The following EPB41L5 variants were observed in gnomAD, a reference collection of about 807,000 sequenced individuals.
EPB41L5 encodes erythrocyte membrane protein band 4.1 like 5, also known as band 4.1-like protein 5.
EPB41L5 carries 55 observed loss-of-function variants against 106.6 expected under a neutral mutation model. The ratio of observed to expected loss-of-function variants is 0.52; its 90% CI spans 0.42 to 0.65. The LOEUF (loss-of-function observed/expected upper bound fraction) is 0.65, where lower values mean the gene tolerates loss of function less well. Among genes scored for constraint, EPB41L5 ranks in the 30% least tolerant of loss-of-function variants. EPB41L5 has a pLI of 0.00. For synonymous variants in EPB41L5, 297 were observed against 306.7 expected, an observed-to-expected ratio of 0.97 and a Z score of 0.33; for missense variants, 871 against 882.1, an observed-to-expected ratio of 0.99 and a Z score of 0.16.
chr2:120,094,256 G>A (rs546478599), intron 14 of EPB41L5, among the ~76,000 whole-genome samples: 100 of 152,188 alleles, frequency 6.6e-4, no homozygotes, highest in South Asian at 2.9e-3. Flanking sequence ...CGTCTTGCTG[G>A]GATTACAGGC....
At chr2:120,035,339 T>C (rs1678979765) in intron 2 of EPB41L5, among the ~76,000 whole-genome samples, 1 of 152,240 alleles carries the variant, frequency 6.6e-6, no homozygotes, top group South Asian at 2.1e-4. Context: ...TCTTAAGTGA[T>C]CCTCCTGCCT....
chr2:120,090,668 A>C (rs112449971), intron 12 of EPB41L5, 152 bp downstream of exon 12: 2 of 624,530 alleles, frequency 3.2e-6, no homozygotes, highest in African/African-American at 1.9e-5. Context: ...AAATAGAAAA[A>C]GTGGTATTGT....
intron 24 of EPB41L5, among the ~76,000 whole-genome samples, chr2:120,169,918 G>A (rs1687596965): frequency 6.6e-6 from 1 of 152,174 alleles, no homozygotes; most frequent in Non-Finnish European, 1.5e-5. Context: ...AAGTTTTGGT[G>A]AAGATATGGG....
chr2:120,031,989 T>A (rs1574489659), intron 2 of EPB41L5, among the ~76,000 whole-genome samples: 1 of 152,128 alleles, frequency 6.6e-6, no homozygotes. Context: ...AAATTTTTTT[T>A]AAAGTTCATT....
chr2:120,141,959 T>C (rs1686190638), intron 18 of EPB41L5, among the ~76,000 whole-genome samples: 1 of 152,162 alleles, frequency 6.6e-6, no homozygotes, highest in South Asian at 2.1e-4. Context: ...TTTCTCAGGC[T>C]AAGACTAAAA....
At position 120,150,259 on chromosome 2, in the gene EPB41L5, T is replaced by G. The variant is rs185592513; in HGVS notation, c.1793+3970T>G. On this transcript the variant is annotated intron_variant, in intron 20 of 24. Coordinates refer to ENST00000263713, the MANE Select transcript of EPB41L5 (RefSeq NM_020909.4). ...GAATGTTGGGGATTTTTTCATGTGT[T>G]TGTTGGCCATTCGTGTAACTTCTTT... is the stretch of plus-strand genomic sequence containing the variant. 2.0e-5 allele frequency among the ~76,000 whole-genome samples: 3 copies of G among 152,308 alleles called. No homozygotes were observed. In the East Asian group the frequency reaches 5.8e-4, roughly 29 times the overall value.
intron 2 of EPB41L5, among the ~76,000 whole-genome samples, chr2:120,041,303 T>A (rs1679388669): frequency 6.6e-6 from 1 of 152,162 alleles, no homozygotes; most frequent in Admixed American, 6.5e-5. Context: ...GTTGTTTTGT[T>A]TCAGGTATAT....
In EPB41L5 at chr2:120,178,532, T is replaced by C. The variant is rs981589595; in HGVS notation, c.*3625T>C. 4.6e-5 allele frequency: 7 copies of C among 152,264 alleles called. No individual in the cohort carries two copies. The highest frequency in any genetic ancestry group is 9.6e-5 in the African/African-American group (4 of 41,460). The allele number at this position is 152,264 out of a possible 1,614,324, so 9.4% of individuals were successfully genotyped here. A position where few individuals can be genotyped will look rare whatever the true frequency, so the allele number is the denominator to read the frequency against. On this transcript the variant is annotated 3_prime_UTR_variant, in exon 25 of 25. Coordinates refer to ENST00000263713, the MANE Select transcript of EPB41L5 (RefSeq NM_020909.4). ...GTGGTTGCTTGGAGACCTGGGGTCT[T>C]CTGCAGACTGAAGAAGACACATTTC...
intron 16 of EPB41L5, chr2:120,104,288 G>T: frequency 6.6e-7 from 1 of 1,509,684 alleles, no homozygotes; most frequent in Non-Finnish European, 8.8e-7. Flanking sequence ...CAAGTTGATG[G>T]TATACATTAT....
intron 18 of EPB41L5, among the ~76,000 whole-genome samples, chr2:120,142,118 A>ATTT (rs777207107): frequency 0.21 from 7,469 of 36,302 alleles, 227 homozygotes; most frequent in Middle Eastern, 0.31. Flanking sequence ...TTTTTTAAAA[A>ATTT]AAAAAAAAAA....
chr2:120,137,126 G>A (rs1685956981), intron 18 of EPB41L5, among the ~76,000 whole-genome samples: 1 of 151,974 alleles, frequency 6.6e-6, no homozygotes, highest in Admixed American at 6.6e-5. Context: ...AATGACCAGT[G>A]GGTCAATGAA....
chr2:120,118,117 C>T (rs924452460), intron 16 of EPB41L5, among the ~76,000 whole-genome samples: 5 of 152,146 alleles, frequency 3.3e-5, no homozygotes, highest in African/African-American at 4.8e-5. Flanking sequence ...GCTATCCTTG[C>T]CTCCAGCACT....
chr2:120,074,353 CCTTTAGCATTTTCA>C (rs1682085729), intron 5 of EPB41L5, 175 bp downstream of exon 5: 8 of 534,038 alleles, frequency 1.5e-5, no homozygotes, highest in Non-Finnish European at 2.7e-5. Context: ...TGATTCTTTT[CCTTTAGCATTTTCA>C]AAATAAAGAG....
chr2:120,165,599 T>G (rs1360383552), intron 22 of EPB41L5, among the ~76,000 whole-genome samples: 2 of 152,154 alleles, frequency 1.3e-5, no homozygotes, highest in Non-Finnish European at 2.9e-5. Flanking sequence ...AGTTGTTGAA[T>G]CCACAGATGC....
At chr2:120,147,020 C>T (rs1186555112) in intron 20 of EPB41L5, among the ~76,000 whole-genome samples, 2 of 152,060 alleles carry the variant, frequency 1.3e-5, no homozygotes, top group African/African-American at 4.8e-5. Context: ...AATTGGTGAT[C>T]AGGGTAAAGC....
chr2:120,116,613 C>G (rs1266840090), intron 16 of EPB41L5, among the ~76,000 whole-genome samples: 2 of 152,150 alleles, frequency 1.3e-5, no homozygotes, highest in East Asian at 3.9e-4. Context: ...CCTCAATCTC[C>G]TAGACTCAAG....
At position 120,178,264 on chromosome 2, in the gene EPB41L5, T is replaced by C. The variant is rs1687986762; in HGVS notation, c.*3357T>C. The C allele has an allele frequency of 6.6e-6, 1 of 152,340 alleles. No homozygotes were observed. Among genetic ancestry groups the C allele is most frequent in the Non-Finnish European group, 1.5e-5 (1 of 68,084 alleles). The allele number at this position is 152,340 out of a possible 1,614,324, so 9.4% of individuals were successfully genotyped here. On this transcript the variant is annotated 3_prime_UTR_variant, in exon 25 of 25. Coordinates refer to ENST00000263713, the MANE Select transcript of EPB41L5 (RefSeq NM_020909.4). The stretch of plus-strand genomic sequence containing the variant: ...GGCTGGCAGGTCCTCAGATAGGTTC[T>C]GCAGTGTTACCTGTCACTTGGAGGC...
At chr2:120,120,178 C>T (rs899005563) in intron 16 of EPB41L5, among the ~76,000 whole-genome samples, 11 of 152,058 alleles carry the variant, frequency 7.2e-5, no homozygotes, top group Admixed American at 6.6e-4. Flanking sequence ...CCTGTAATCC[C>T]AGCACTTTGG....
intron 20 of EPB41L5, among the ~76,000 whole-genome samples, chr2:120,156,164 T>C (rs992380240): frequency 7.2e-5 from 11 of 152,180 alleles, no homozygotes; most frequent in Non-Finnish European, 1.6e-4. Context: ...ACCTGAACTC[T>C]GCAGGGCGAT....
Sources: gnomAD v4.1 joint callset for allele counts (sites outside exome capture counted in the v4.1 genomes callset) on GRCh38, gnomAD v4.1.1 for gene constraint, MANE v1.5 for transcripts, NCBI Gene and HGNC (gene_info 2026-07-23, HGNC 2026-07-21) for gene names.